The following PRKCE variants were observed in gnomAD, a reference collection of about 807,000 sequenced individuals.
The protein encoded by PRKCE is protein kinase C epsilon type.
Under a neutral mutation model 85.4 loss-of-function variants are expected in PRKCE, and 16 were observed. The ratio of observed to expected loss-of-function variants is 0.19; its 90% CI spans 0.13 to 0.28. The LOEUF is 0.28. Among genes scored for constraint, PRKCE ranks in the 10% least tolerant of loss-of-function variants. The pLI, the probability that PRKCE is intolerant of heterozygous loss-of-function variation, is 1.00. For missense variants in PRKCE, 573 were observed against 975.2 expected (o/e 0.59, Z 5.49); for synonymous variants, 388 against 371.5 (o/e 1.04, Z -0.51).
chr2:45,652,470 C>A lies in PRKCE; in HGVS notation c.348+22C>A. ...CTGGGTGAGTGCGGCGCCTCCCCGT[C>A]ATTCCGGGAACCCGGTTGTGGGGTC... On this transcript the variant is annotated intron_variant, in intron 1 of 14. Transcript: ENST00000306156. This position sits in a 1 kb window ranked among gnomAD's most constrained non-coding sequence, Gnocchi z 7.7. 1 of 1,586,046 alleles carries A rather than the reference C, an allele frequency of 6.3e-7. No individual in the cohort carries two copies. Among genetic ancestry groups the A allele is most frequent in the South Asian group, 1.1e-5 (1 of 89,182 alleles).
intron 2 of PRKCE, among the ~76,000 whole-genome samples, chr2:45,884,929 T>C (rs1228791077): frequency 7.1e-6 from 1 of 141,358 alleles, no homozygotes; most frequent in African/African-American, 2.7e-5. Context: ...TTGTATAAGC[T>C]GCGTGTGATC....
At chr2:45,869,188 T>G (rs1693876691) in intron 2 of PRKCE, among the ~76,000 whole-genome samples, 1 of 152,234 alleles carries the variant, frequency 6.6e-6, no homozygotes, top group Non-Finnish European at 1.5e-5. Context: ...GGCTAAATAC[T>G]TCAAATTTAA....
At chr2:46,035,116 C>T (rs1707778836) in intron 10 of PRKCE, among the ~76,000 whole-genome samples, 1 of 152,232 alleles carries the variant, frequency 6.6e-6, no homozygotes, top group Admixed American at 6.5e-5. Context: ...TCTGGCTCAG[C>T]AAAATCAGAA....
chr2:46,070,839 A>G (rs940230187), intron 10 of PRKCE, among the ~76,000 whole-genome samples: 4 of 152,142 alleles, frequency 2.6e-5, no homozygotes, highest in African/African-American at 9.7e-5. Context: ...CTTTGTGTCA[A>G]ATGTGGATGT....
intron 2 of PRKCE, among the ~76,000 whole-genome samples, chr2:45,927,616 C>A (rs1034642419): frequency 6.6e-6 from 1 of 152,220 alleles, no homozygotes; most frequent in African/African-American, 2.4e-5. Flanking sequence ...TTTGATTCTG[C>A]AGCCCAGGCT....
At chr2:45,976,623 ATC>A in intron 3 of PRKCE, 35 bp downstream of exon 3, 1 of 1,590,480 alleles carries the variant, frequency 6.3e-7, no homozygotes, top group Non-Finnish European at 8.5e-7. Context: ...TAATTACAAC[ATC>A]TCTGTTACAA....
At chr2:45,811,979 G>T (rs1573452359) in intron 1 of PRKCE, among the ~76,000 whole-genome samples, 1 of 152,152 alleles carries the variant, frequency 6.6e-6, no homozygotes, top group Non-Finnish European at 1.5e-5. Context: ...CTTGCTAGGG[G>T]ATTCCACCGC....
At chr2:45,797,949 A>T (rs958283103) in intron 1 of PRKCE, among the ~76,000 whole-genome samples, 4 of 152,228 alleles carry the variant, frequency 2.6e-5, no homozygotes, top group African/African-American at 7.2e-5. Flanking sequence ...CGCTGGGCTT[A>T]CTGAGTTCCT....
In PRKCE at chr2:46,185,601, C is replaced by G. The variant is rs1348384373; in HGVS notation, c.*720C>G. On this transcript the variant is annotated 3_prime_UTR_variant, in exon 15 of 15. Transcript: ENST00000306156. The surrounding 1 kb of genome is among the most constrained non-coding windows in gnomAD (Gnocchi z 4.7). ...TTTGAAAAATATATTTTCAAATTCA[C>G]TTTCTAATTGGCCAAAAGAGATGAG... is the stretch of plus-strand genomic sequence containing the variant. 1 of 152,644 alleles carries G rather than the reference C, an allele frequency of 6.6e-6. No individual in the cohort carries two copies. The highest frequency in any genetic ancestry group is 2.4e-5 in the African/African-American group (1 of 41,440). 9.5% of individuals were successfully genotyped at this position (152,644 alleles called of 1,614,324 possible). A position where few individuals can be genotyped will look rare whatever the true frequency, so the allele number is the denominator to read the frequency against.
chr2:46,002,624 T>A (rs563676634), intron 7 of PRKCE, among the ~76,000 whole-genome samples: 1 of 152,228 alleles, frequency 6.6e-6, no homozygotes, highest in Non-Finnish European at 1.5e-5. Context: ...AAAAATTCTC[T>A]TCTCTCTGGT....
intron 1 of PRKCE, among the ~76,000 whole-genome samples, chr2:45,815,462 G>A (rs1212138427): frequency 6.6e-6 from 1 of 152,104 alleles, no homozygotes; most frequent in Non-Finnish European, 1.5e-5. Flanking sequence ...CCTATTCTTA[G>A]TTTGCAATTG....
At chr2:45,847,547 AC>A (rs1420877425) in intron 2 of PRKCE, among the ~76,000 whole-genome samples, 1 of 146,046 alleles carries the variant, frequency 6.8e-6, no homozygotes, top group Admixed American at 6.8e-5. Context: ...TCTTAGCTTT[AC>A]CAAGTGCCCA....
At chr2:45,967,270 T>C (rs11125043) in intron 2 of PRKCE, among the ~76,000 whole-genome samples, 33,437 of 152,170 alleles carry the variant, frequency 0.22, 4,423 homozygotes, top group South Asian at 0.34. Flanking sequence ...CCCTTCAGCA[T>C]GTGCTAGATG....
At chr2:45,914,073 G>A (rs1697574935) in intron 2 of PRKCE, among the ~76,000 whole-genome samples, 1 of 152,188 alleles carries the variant, frequency 6.6e-6, no homozygotes, top group Non-Finnish European at 1.5e-5. Flanking sequence ...AGCAGATACA[G>A]CTCTACATGT....
chr2:46,078,363 C>G (rs962144969), intron 10 of PRKCE: 1 of 136,774 alleles, frequency 7.3e-6, no homozygotes, highest in African/African-American at 3.0e-5. Context: ...TAGCAAGACT[C>G]TTGTCTCTAA....
intron 1 of PRKCE, among the ~76,000 whole-genome samples, chr2:45,743,600 G>A (rs994364539): frequency 6.6e-6 from 1 of 152,128 alleles, no homozygotes; most frequent in Non-Finnish European, 1.5e-5. Flanking sequence ...AGCCAACTCT[G>A]GTTTATCTTT....
chr2:45,822,558 G>A (rs1689622473), intron 1 of PRKCE, among the ~76,000 whole-genome samples: 1 of 152,240 alleles, frequency 6.6e-6, no homozygotes, highest in Non-Finnish European at 1.5e-5. Flanking sequence ...TCTTCCTTGT[G>A]CCTGGGCTGG....
chr2:45,987,783 G>A (rs1358954904), intron 6 of PRKCE, among the ~76,000 whole-genome samples: 1 of 152,186 alleles, frequency 6.6e-6, no homozygotes, highest in Non-Finnish European at 1.5e-5. Context: ...TTAGCTGGAT[G>A]GCCCTGGAAA....
intron 2 of PRKCE, among the ~76,000 whole-genome samples, chr2:45,973,979 C>T (rs757221417): frequency 1.4e-4 from 22 of 152,122 alleles, no homozygotes; most frequent in Non-Finnish European, 3.1e-4. Context: ...AAATGTATTC[C>T]GTGGTGAATC....
Sources: gnomAD v4.1 joint callset for allele counts (sites outside exome capture counted in the v4.1 genomes callset) on GRCh38, gnomAD v4.1.1 for gene constraint, Gnocchi (gnomAD v3.1) non-coding constraint, MANE v1.5 for transcripts, NCBI Gene and HGNC (gene_info 2026-07-23, HGNC 2026-07-21) for gene names.